The following C19orf12 variants were observed in gnomAD, a reference collection of about 807,000 sequenced individuals.
C19orf12 encodes the protein chromosome 19 open reading frame 12, also known as protein C19orf12.
C19orf12 carries 2 observed loss-of-function variants against 3.8 expected under a neutral mutation model. The ratio of observed to expected loss-of-function variants is 0.53; its 90% CI spans 0.22 to 1.66. C19orf12 has a LOEUF of 1.66. Ranked by LOEUF, C19orf12 falls within the 40% of genes most tolerant of loss-of-function variation. The pLI, the probability that C19orf12 is intolerant of heterozygous loss-of-function variation, is 0.20. For missense variants in C19orf12, 156 were observed against 188.8 expected (o/e 0.83, Z 1.02); for synonymous variants, 89 against 84.6 (o/e 1.05, Z -0.28).
intron 2 of C19orf12, 139 bp from the exon 3 acceptor site, chr19:29,703,116 C>A: frequency 9.2e-7 from 1 of 1,085,192 alleles, no homozygotes; most frequent in Non-Finnish European, 1.4e-6. Context: ...GCCGGTGCCA[C>A]GCCTGCTCCG....
chr19:29,704,399 G>A (rs1972270439), intron 2 of C19orf12, among the ~76,000 whole-genome samples: 1 of 152,128 alleles, frequency 6.6e-6, no homozygotes, highest in Non-Finnish European at 1.5e-5. Context: ...GGGAGGCAGA[G>A]GTTGCAGTGA....
intron 1 of C19orf12, among the ~76,000 whole-genome samples, chr19:29,712,589 A>T (rs1031283760): frequency 6.6e-6 from 1 of 152,086 alleles, no homozygotes; most frequent in Admixed American, 6.6e-5. Context: ...AGAAGCCCAC[A>T]TGTGCACTAG....
intron 2 of C19orf12, 80 bp downstream of exon 2, chr19:29,708,174 C>G (rs900822820): frequency 1.3e-6 from 2 of 1,576,678 alleles, no homozygotes; most frequent in Admixed American, 1.7e-5. Context: ...CCACACTGTG[C>G]CTGGCCTTCT....
Position 29,702,117 on chromosome 19 carries a change from G to A in C19orf12, c.*595C>T, listed in dbSNP as rs1972117963. On this transcript the variant is annotated 3_prime_UTR_variant, in exon 3 of 3. Coordinates refer to ENST00000323670, the MANE Select transcript of C19orf12 (RefSeq NM_031448.6). ...TAGGTGTGCAGCCTAGTGGGGGCCGGGGTCAAGTCCACTCGGTATTTGTGG... is the reference window on the plus strand; with the variant it reads ...TAGGTGTGCAGCCTAGTGGGGGCCGAGGTCAAGTCCACTCGGTATTTGTGG... The A allele has an allele frequency of 2.2e-6, 1 of 450,656 alleles. No individual in the cohort carries two copies. The highest frequency in any genetic ancestry group is 4.5e-6 in the Non-Finnish European group (1 of 224,430). 27.9% of individuals were successfully genotyped at this position (450,656 alleles called of 1,614,324 possible). A position where few individuals can be genotyped will look rare whatever the true frequency, so the allele number is the denominator to read the frequency against.
rs369548656 is a variant in C19orf12 at position 29,702,868 on chromosome 19, G to C, written c.270C>G (p.Asn90Lys). The change falls in exon 3 of 3, where the codon AAC becomes AAG. Residue 90 changes from asparagine (N) to lysine (K), a missense_variant. By Grantham distance (94) the Asn-to-Lys change is moderately conservative. Coordinates refer to ENST00000323670, the MANE Select transcript of C19orf12 (RefSeq NM_031448.6). ...LPPAEQQRLF[N>K]EAAAIIRHLE... Reference sequence around the variant, plus strand: ...GGTGCCTGATGATGGCTGCGGCTTCGTTAAAGAGCCTCTGTTGCTCGGCAG... The same window carrying C: ...GGTGCCTGATGATGGCTGCGGCTTCCTTAAAGAGCCTCTGTTGCTCGGCAG... The C allele has an allele frequency of 6.2e-7, 1 of 1,614,160 alleles. No individual in the cohort carries two copies. The highest frequency in any genetic ancestry group is 2.2e-5 in the East Asian group (1 of 44,884).
chr19:29,699,669 C>A lies in C19orf12; in HGVS notation c.*3043G>T. ...ACAAATACTGACAAAAGGAAATGAA[C>A]AGTTTTCAGAGACTTACTTTAAAAC... is the stretch of plus-strand genomic sequence containing the variant. On this transcript the variant is annotated 3_prime_UTR_variant, in exon 3 of 3. Coordinates refer to ENST00000323670, the MANE Select transcript of C19orf12 (RefSeq NM_031448.6). 1 of 453,886 alleles carries A rather than the reference C, an allele frequency of 2.2e-6. No homozygotes were observed. Among genetic ancestry groups the A allele is most frequent in the South Asian group, 1.6e-5 (1 of 64,454 alleles). The allele number at this position is 453,886 out of a possible 1,614,324, so 28.1% of individuals were successfully genotyped here.
At chr19:29,709,606 T>C (rs1257768114) in intron 1 of C19orf12, among the ~76,000 whole-genome samples, 2 of 151,192 alleles carry the variant, frequency 1.3e-5, no homozygotes, top group African/African-American at 4.9e-5. Context: ...CACAACTCAC[T>C]GCAGCCTTGA....
chr19:29,701,978 A>G lies in C19orf12; in HGVS notation c.*734T>C, dbSNP rs781499645. The G allele has an allele frequency of 3.5e-5, 16 of 453,992 alleles. No homozygotes were observed. The Middle Eastern group carries it at 2.0e-3, about 58-fold the overall frequency. The allele number at this position is 453,992 out of a possible 1,614,324, so 28.1% of individuals were successfully genotyped here. A position where few individuals can be genotyped will look rare whatever the true frequency, so the allele number is the denominator to read the frequency against. ...GAGGTGGTCTGGAACTGAACCCACA[A>G]TATCTCCGAGATATACCTGTACTTT... is the stretch of plus-strand genomic sequence containing the variant. On this transcript the variant is annotated 3_prime_UTR_variant, in exon 3 of 3. Coordinates refer to ENST00000323670, the MANE Select transcript of C19orf12 (RefSeq NM_031448.6).
chr19:29,702,650 A>G lies in C19orf12; in HGVS notation c.*62T>C, dbSNP rs1358610729. On this transcript the variant is annotated 3_prime_UTR_variant, in exon 3 of 3. Coordinates refer to ENST00000323670, the MANE Select transcript of C19orf12 (RefSeq NM_031448.6). ...TCCGCTGGGCTTCTCCCAACTCCCA[A>G]GCCACCTCTTCAGAATCACAGAGTC... 11 of 1,609,194 alleles carry G rather than the reference A, an allele frequency of 6.8e-6. No homozygotes were observed. The highest frequency in any genetic ancestry group is 9.3e-6 in the Non-Finnish European group (11 of 1,178,378).
rs1267123816 is a variant in C19orf12, at chr19:29,699,805, C to T, written c.*2907G>A. 1 of 450,896 alleles carries T rather than the reference C, an allele frequency of 2.2e-6. No individual in the cohort carries two copies. The highest frequency in any genetic ancestry group is 6.9e-5 in the East Asian group (1 of 14,394). 27.9% of individuals were successfully genotyped at this position (450,896 alleles called of 1,614,324 possible). Reference sequence around the variant, plus strand: ...CCTCCCGTACCTTTTAAATTTTGTACCAGGCAGGTATTACTTATTCAAAAA... The same window carrying T: ...CCTCCCGTACCTTTTAAATTTTGTATCAGGCAGGTATTACTTATTCAAAAA... On this transcript the variant is annotated 3_prime_UTR_variant, in exon 3 of 3. Transcript: ENST00000323670.
In C19orf12 at chr19:29,702,977, C is replaced by T. The variant is rs752450983; in HGVS notation, c.161G>A (p.Gly54Glu). ...LVGGPPGLAVGGAVGGLLGAW... is the reference protein window; with the variant it reads ...LVGGPPGLAVEGAVGGLLGAW... Reference sequence around the variant, plus strand: ...ACCTAACAGCCCCCCGACAGCCCCCCCTAGAAAACATGGAATCGTTCAATT... The same window carrying T: ...ACCTAACAGCCCCCCGACAGCCCCCTCTAGAAAACATGGAATCGTTCAATT... The change falls in exon 3 of 3, where the codon GGG becomes GAG. Residue 54 changes from glycine (G) to glutamate (E), a missense_variant and splice_region_variant. Coordinates refer to ENST00000323670, the MANE Select transcript of C19orf12 (RefSeq NM_031448.6). 2.0e-5 allele frequency: 33 copies of T among 1,614,008 alleles called. No homozygotes were observed. Among genetic ancestry groups the T allele is most frequent in the South Asian group, 5.5e-5 (5 of 91,084 alleles).
rs541235038 is a variant in C19orf12, at chr19:29,700,465, G to A, written c.*2247C>T. 1.3e-5 allele frequency: 6 copies of A among 454,112 alleles called. No homozygotes were observed. The highest frequency in any genetic ancestry group is 1.0e-4 in the African/African-American group (5 of 50,132). 28.1% of individuals were successfully genotyped at this position (454,112 alleles called of 1,614,324 possible). On this transcript the variant is annotated 3_prime_UTR_variant, in exon 3 of 3. Transcript: ENST00000323670. ...CCACTAAAGCTATACAAAATTGGGAGGGGGCATGCTCTGATTTTCCATTTT... is the reference window on the plus strand; with the variant it reads ...CCACTAAAGCTATACAAAATTGGGAAGGGGCATGCTCTGATTTTCCATTTT...
intron 1 of C19orf12, among the ~76,000 whole-genome samples, chr19:29,712,648 C>T (rs1274451117): frequency 6.6e-6 from 1 of 152,130 alleles, no homozygotes; most frequent in African/African-American, 2.4e-5. Flanking sequence ...GTAAATGAAG[C>T]ACCCCTCCCA....
In C19orf12 at chr19:29,715,177, C is replaced by A; in HGVS notation, c.-63G>T. The A allele has an allele frequency of 1.9e-6, 1 of 535,668 alleles. No individual in the cohort carries two copies. The highest frequency in any genetic ancestry group is 3.4e-6 in the Non-Finnish European group (1 of 297,904). 33.2% of individuals were successfully genotyped at this position (535,668 alleles called of 1,614,324 possible). A position where few individuals can be genotyped will look rare whatever the true frequency, so the allele number is the denominator to read the frequency against. ...GCTCGGCGATCAGACGCGGCTGCAGCCCGGGCCTGGCAGGCCCCGGGCTCC... is the reference window on the plus strand; with the variant it reads ...GCTCGGCGATCAGACGCGGCTGCAGACCGGGCCTGGCAGGCCCCGGGCTCC... On this transcript the variant is annotated 5_prime_UTR_variant, in exon 1 of 3. Coordinates refer to ENST00000323670, the MANE Select transcript of C19orf12 (RefSeq NM_031448.6).
chr19:29,709,092 G>A (rs775049437), intron 1 of C19orf12, among the ~76,000 whole-genome samples: 1 of 152,240 alleles, frequency 6.6e-6, no homozygotes, highest in Non-Finnish European at 1.5e-5. Context: ...GCTGCCTTAA[G>A]CAACTGTTCT....
rs773042932 is a variant in C19orf12 at position 29,700,401 on chromosome 19, C to T, written c.*2311G>A. On this transcript the variant is annotated 3_prime_UTR_variant, in exon 3 of 3. Transcript: ENST00000323670. The stretch of plus-strand genomic sequence containing the variant: ...CATTCTCACGATATCTGCAAATCAA[C>T]GTTTTTTCCTTCACACTAAAAACGG... The T allele has an allele frequency of 2.6e-5, 12 of 453,984 alleles. No homozygotes were observed. The highest frequency in any genetic ancestry group is 1.2e-4 in the South Asian group (8 of 64,482). The allele number at this position is 453,984 out of a possible 1,614,324, so 28.1% of individuals were successfully genotyped here.
Position 29,702,450 on chromosome 19 carries a change from C to T in C19orf12, c.*262G>A. The T allele has an allele frequency of 1.5e-6, 1 of 671,244 alleles. No homozygotes were observed. The highest frequency in any genetic ancestry group is 1.8e-5 in the African/African-American group (1 of 56,764). 41.6% of individuals were successfully genotyped at this position (671,244 alleles called of 1,614,324 possible). A position where few individuals can be genotyped will look rare whatever the true frequency, so the allele number is the denominator to read the frequency against. On this transcript the variant is annotated 3_prime_UTR_variant, in exon 3 of 3. Transcript: ENST00000323670. ...GCCTCCGAAGCCTGCGGCAGGCAGG[C>T]CTTTACTCTTCACTGGGGGGCCAGT... is the stretch of plus-strand genomic sequence containing the variant.
Position 29,701,339 on chromosome 19 carries a change from T to C in C19orf12, c.*1373A>G, listed in dbSNP as rs914261696. 8 of 454,044 alleles carry C rather than the reference T, an allele frequency of 1.8e-5. 1 individual carries two copies. Among genetic ancestry groups the C allele is most frequent in the African/African-American group, 6.0e-5 (3 of 50,010 alleles). 28.1% of individuals were successfully genotyped at this position (454,044 alleles called of 1,614,324 possible). On this transcript the variant is annotated 3_prime_UTR_variant, in exon 3 of 3. Transcript: ENST00000323670. ...CTCAAGTCCCTGATGGGCAATGGCATAGCGTTTGCACGTAACCTACGCACA... is the reference window on the plus strand; with the variant it reads ...CTCAAGTCCCTGATGGGCAATGGCACAGCGTTTGCACGTAACCTACGCACA...
intron 2 of C19orf12, among the ~76,000 whole-genome samples, chr19:29,703,789 G>A (rs1447516218): frequency 3.3e-5 from 5 of 151,966 alleles, no homozygotes; most frequent in Admixed American, 6.5e-5. Context: ...TCAGGAGTTC[G>A]ACACCAGCCT....
Sources: gnomAD v4.1 joint callset for allele counts (sites outside exome capture counted in the v4.1 genomes callset) on GRCh38, gnomAD v4.1.1 for gene constraint, MANE v1.5 for transcripts, NCBI Gene and HGNC (gene_info 2026-07-23, HGNC 2026-07-21) for gene names.